GRIK2: variants seen among roughly 807,000 people sequenced by gnomAD.
GRIK2 encodes glutamate receptor ionotropic, kainate 2.
Under a neutral mutation model 100.3 loss-of-function variants are expected in GRIK2, and 32 were observed. The ratio of observed to expected loss-of-function variants is 0.32; its 90% CI spans 0.24 to 0.43. The LOEUF (loss-of-function observed/expected upper bound fraction) is 0.43, where lower values mean the gene tolerates loss of function less well. Among genes scored for constraint, GRIK2 ranks in the 20% least tolerant of loss-of-function variants. The pLI is 1.00. For synonymous variants in GRIK2, 417 were observed against 389.4 expected (o/e 1.07, Z -0.83); for missense variants, 843 against 1,114.9 (o/e 0.76, Z 3.47).
chr6:101,947,463 T>C (rs866225026), intron 14 of GRIK2, among the ~76,000 whole-genome samples: 3 of 152,294 alleles, frequency 2.0e-5, no homozygotes, highest in Middle Eastern at 6.8e-3. Flanking sequence ...CAGTCTGCAT[T>C]CCACTAAGTT....
intron 2 of GRIK2, among the ~76,000 whole-genome samples, chr6:101,612,732 G>A (rs1251518572): frequency 1.3e-5 from 2 of 150,914 alleles, no homozygotes; most frequent in Non-Finnish European, 3.0e-5. Context: ...GTGTGTGTGT[G>A]TGTGTGTGTG....
intron 2 of GRIK2, among the ~76,000 whole-genome samples, chr6:101,595,712 G>GTATATA (rs1162539380): frequency 4.6e-4 from 61 of 131,538 alleles, no homozygotes; most frequent in African/African-American, 1.4e-3. Context: ...GTGTGTGTGT[G>GTATATA]TGTGTGTATA....
intron 15 of GRIK2, among the ~76,000 whole-genome samples, chr6:102,040,924 C>A (rs539260749): frequency 1.5e-4 from 22 of 151,608 alleles, no homozygotes; most frequent in African/African-American, 5.1e-4. Context: ...TCTATTTTCC[C>A]TTTGCATAAG....
intron 12 of GRIK2, among the ~76,000 whole-genome samples, chr6:101,895,275 G>T (rs923265286): frequency 6.6e-6 from 1 of 151,500 alleles, no homozygotes; most frequent in Non-Finnish European, 1.5e-5. Context: ...GTATATAATT[G>T]CCTTTAATTA....
At chr6:101,732,804 C>T (rs932022060) in intron 7 of GRIK2, among the ~76,000 whole-genome samples, 18 of 152,092 alleles carry the variant, frequency 1.2e-4, no homozygotes, top group African/African-American at 4.3e-4. Flanking sequence ...TTGATCTGCC[C>T]TATGCAGACT....
At chr6:101,399,710 G>A (rs1340018762) in intron 2 of GRIK2, among the ~76,000 whole-genome samples, 1 of 152,166 alleles carries the variant, frequency 6.6e-6, no homozygotes, top group African/African-American at 2.4e-5. Context: ...CTCCCCCGGC[G>A]CCCTGCGAGC....
intron 7 of GRIK2, among the ~76,000 whole-genome samples, chr6:101,725,470 C>A (rs929392498): frequency 5.3e-5 from 8 of 151,886 alleles, no homozygotes; most frequent in Non-Finnish European, 1.2e-4. Context: ...TCTCAGGAAA[C>A]GATAATTTAA....
At chr6:101,548,137 C>T (rs1776338347) in intron 2 of GRIK2, among the ~76,000 whole-genome samples, 1 of 152,092 alleles carries the variant, frequency 6.6e-6, no homozygotes, top group African/African-American at 2.4e-5. Context: ...AGTGTCTGTT[C>T]ATATCCTTCG....
At chr6:101,401,315 T>C (rs1775291719) in intron 2 of GRIK2, among the ~76,000 whole-genome samples, 2 of 152,204 alleles carry the variant, frequency 1.3e-5, no homozygotes, top group Non-Finnish European at 2.9e-5. Context: ...CATATCTTCA[T>C]ATTAAAAATC....
chr6:101,503,818 A>G (rs939101364), intron 2 of GRIK2, among the ~76,000 whole-genome samples: 2 of 152,260 alleles, frequency 1.3e-5, no homozygotes, highest in Middle Eastern at 3.4e-3. Flanking sequence ...ACCAAACTCT[A>G]TGCCTTCTTC....
chr6:101,895,773 A>G (rs1787400004), intron 12 of GRIK2, among the ~76,000 whole-genome samples: 1 of 151,702 alleles, frequency 6.6e-6, no homozygotes, highest in Non-Finnish European at 1.5e-5. Context: ...TTTATTTTTA[A>G]TGTCCTATTT....
chr6:101,671,778 T>G (rs1582931954), intron 4 of GRIK2, among the ~76,000 whole-genome samples: 1 of 151,986 alleles, frequency 6.6e-6, no homozygotes. Context: ...GCAGGAGAAT[T>G]GTTTGAACCC....
intron 2 of GRIK2, among the ~76,000 whole-genome samples, chr6:101,493,995 TA>T (rs1202407627): frequency 7.2e-6 from 1 of 139,702 alleles, no homozygotes; most frequent in African/African-American, 2.7e-5. Context: ...ATAAAAATTA[TA>T]AAAATGTATA....
intron 7 of GRIK2, among the ~76,000 whole-genome samples, chr6:101,689,286 A>G (rs1017487083): frequency 2.0e-5 from 3 of 152,110 alleles, no homozygotes; most frequent in African/African-American, 7.2e-5. Flanking sequence ...CTATAGTCCC[A>G]TAAAGAAATG....
chr6:101,511,694 T>G (rs536681099), intron 2 of GRIK2, among the ~76,000 whole-genome samples: 2 of 151,934 alleles, frequency 1.3e-5, no homozygotes, highest in Non-Finnish European at 2.9e-5. Context: ...CAAGTGAAAA[T>G]GGTAGTTCTG....
chr6:102,049,821 C>T lies in GRIK2; in HGVS notation c.2312-5509C>T, dbSNP rs149008650. Among the ~76,000 whole-genome samples the T allele has an allele frequency of 2.6e-3, 396 of 152,164 alleles. 1 individual carries two copies. Among genetic ancestry groups the T allele is most frequent in the African/African-American group, 9.0e-3 (374 of 41,542 alleles). ...GAAGCTTGATTTGAAAGTAAAGAAA[C>T]ATTTGAAAGGCTGAATGAGAGGTTT... On this transcript the variant is annotated intron_variant, in intron 15 of 16. Coordinates refer to ENST00000369134, the MANE Select transcript of GRIK2 (RefSeq NM_021956.5).
At chr6:101,776,923 T>C (rs909369263) in intron 7 of GRIK2, among the ~76,000 whole-genome samples, 1 of 152,198 alleles carries the variant, frequency 6.6e-6, no homozygotes, top group African/African-American at 2.4e-5. Context: ...TGAAGCATTA[T>C]ACTTTCTAAA....
At chr6:101,979,393 G>A (rs781186223) in intron 14 of GRIK2, among the ~76,000 whole-genome samples, 1 of 151,946 alleles carries the variant, frequency 6.6e-6, no homozygotes, top group South Asian at 2.1e-4. Context: ...AATAGCTACC[G>A]CTGCAAAGGA....
At chr6:101,810,221 G>A (rs937801625) in intron 9 of GRIK2, among the ~76,000 whole-genome samples, 1 of 151,542 alleles carries the variant, frequency 6.6e-6, no homozygotes, top group Non-Finnish European at 1.5e-5. Flanking sequence ...TTTCATATTT[G>A]GGAACATGTA....
Sources: gnomAD v4.1 joint callset for allele counts (sites outside exome capture counted in the v4.1 genomes callset) on GRCh38, gnomAD v4.1.1 for gene constraint, MANE v1.5 for transcripts, NCBI Gene and HGNC (gene_info 2026-07-23, HGNC 2026-07-21) for gene names.